FAAH2: variants seen among roughly 807,000 people sequenced by gnomAD.
The protein encoded by FAAH2 is fatty-acid amide hydrolase 2.
Under a neutral mutation model 36.9 loss-of-function variants are expected in FAAH2, and 60 were observed. The ratio of observed to expected loss-of-function variants is 1.63; its 90% CI spans 1.32 to 2.02. The LOEUF (loss-of-function observed/expected upper bound fraction) is 2.02, where lower values mean the gene tolerates loss of function less well. Ranked by LOEUF, FAAH2 falls within the 30% of genes most tolerant of loss-of-function variation. FAAH2 has a pLI of 0.00. For missense variants in FAAH2, 689 were observed against 397.5 expected (o/e 1.73, Z -6.23); for synonymous variants, 214 against 143.8 (o/e 1.49, Z -3.49).
At chrX:57,366,640 G>A (rs1050542179) in intron 5 of FAAH2, among the ~76,000 whole-genome samples, 1 of 112,281 alleles carries the variant, frequency 8.9e-6, no homozygotes, top group Non-Finnish European at 1.9e-5. Context: ...CACCCACAAG[G>A]GAAGGCTGTG....
rs140573052 is a variant in FAAH2, at chrX:57,329,251, A to T, written c.413-2347A>T. ...GTTTGCAGTTGTTGGTTGCATTGAC[A>T]GTATGACTGGGGGCATAGGGCTTTC... On this transcript the variant is annotated intron_variant, in intron 3 of 10. Transcript: ENST00000374900. Among the ~76,000 whole-genome samples, 532 of 111,984 alleles carry T rather than the reference A, an allele frequency of 4.8e-3. 3 individuals carry two copies. The highest frequency in any genetic ancestry group is 0.018 in the Middle Eastern group (4 of 217).
At chrX:57,127,886 T>C in the FAAH2 span, among the ~76,000 whole-genome samples, 1 of 111,928 alleles carries the variant, frequency 8.9e-6, no homozygotes, top group Non-Finnish European at 1.9e-5. Flanking sequence ...GAAGTCCTTC[T>C]CACTTTTTAA....
chrX:57,381,513 A>T, intron 7 of FAAH2: 1 of 665,300 alleles, frequency 1.5e-6, no homozygotes, highest in Non-Finnish European at 1.8e-6. Flanking sequence ...TTTAAAAGTA[A>T]TTTTTAAACT....
chrX:57,246,427 G>T, the FAAH2 span, among the ~76,000 whole-genome samples: 1 of 111,595 alleles, frequency 9.0e-6, no homozygotes, highest in South Asian at 3.8e-4. Flanking sequence ...AACCAAAAAA[G>T]AAATTTCAGG....
the FAAH2 span, among the ~76,000 whole-genome samples, chrX:57,273,143 A>G: frequency 4.5e-5 from 5 of 112,173 alleles, no homozygotes; most frequent in African/African-American, 1.6e-4. Context: ...CTTTAATCCA[A>G]CAAAGATCAA....
At chrX:57,208,430 AC>A in the FAAH2 span, among the ~76,000 whole-genome samples, 1 of 111,799 alleles carries the variant, frequency 8.9e-6, no homozygotes, top group East Asian at 2.8e-4. Context: ...CTTCTTACTC[AC>A]CACAGGTATT....
At chrX:57,236,846 G>C in the FAAH2 span, among the ~76,000 whole-genome samples, 1 of 111,223 alleles carries the variant, frequency 9.0e-6, no homozygotes, top group African/African-American at 3.3e-5. Context: ...TTGTACAGAA[G>C]CTTTTTAGTT....
chrX:57,256,878 G>A, the FAAH2 span, among the ~76,000 whole-genome samples: 1 of 111,973 alleles, frequency 8.9e-6, no homozygotes, highest in Admixed American at 9.5e-5. Flanking sequence ...CCAAAAATTT[G>A]CAAAAATATG....
intron 10 of FAAH2, among the ~76,000 whole-genome samples, chrX:57,471,560 G>T (rs2057166679): frequency 9.0e-6 from 1 of 111,642 alleles, no homozygotes; most frequent in Admixed American, 9.5e-5. Context: ...TCTTCAAGGA[G>T]AACTACAAAC....
chrX:57,273,016 C>T, the FAAH2 span, among the ~76,000 whole-genome samples: 1 of 111,832 alleles, frequency 8.9e-6, no homozygotes, highest in South Asian at 3.8e-4. Context: ...TTCAGAAGAT[C>T]TACCTCATGT....
At chrX:57,173,489 A>T in the FAAH2 span, among the ~76,000 whole-genome samples, 1 of 111,929 alleles carries the variant, frequency 8.9e-6, no homozygotes, top group Non-Finnish European at 1.9e-5. Context: ...GGAGTCTTTA[A>T]TGTCTTCTAG....
At chrX:57,288,595 C>A (rs749891473) in intron 1 of FAAH2, among the ~76,000 whole-genome samples, 29 of 109,502 alleles carry the variant, frequency 2.6e-4, no homozygotes, top group Non-Finnish European at 4.7e-4. Context: ...CGTGATCCAC[C>A]CACCTCGGCC....
intron 10 of FAAH2, among the ~76,000 whole-genome samples, chrX:57,466,149 TC>T (rs2057043885): frequency 8.4e-5 from 7 of 83,367 alleles, no homozygotes; most frequent in Non-Finnish European, 1.3e-4. Flanking sequence ...TCTCTCTCTC[TC>T]TCTCTCTATA....
the FAAH2 span, among the ~76,000 whole-genome samples, chrX:57,176,729 T>G: frequency 8.9e-6 from 1 of 112,063 alleles, no homozygotes. Flanking sequence ...TTTGCATTTA[T>G]TTTTTATTCC....
the FAAH2 span, among the ~76,000 whole-genome samples, chrX:57,182,005 G>T: frequency 8.9e-6 from 1 of 111,924 alleles, no homozygotes; most frequent in Non-Finnish European, 1.9e-5. Context: ...AATAAATGAT[G>T]CTGGGATAAC....
chrX:57,261,572 A>AAAAG, the FAAH2 span, among the ~76,000 whole-genome samples: 3 of 107,952 alleles, frequency 2.8e-5, no homozygotes, highest in African/African-American at 1.0e-4. Context: ...AAAAAAAAAA[A>AAAAG]AAAGAAAAAA....
intron 2 of FAAH2, among the ~76,000 whole-genome samples, chrX:57,302,180 A>G (rs780109180): frequency 8.9e-6 from 1 of 111,861 alleles, no homozygotes; most frequent in Admixed American, 9.5e-5. Context: ...GACTCAAAAT[A>G]CACACTTACA....
the FAAH2 span, among the ~76,000 whole-genome samples, chrX:57,149,430 T>C: frequency 3.8e-4 from 43 of 111,930 alleles, no homozygotes; most frequent in Admixed American, 2.0e-3. Context: ...TGCCACAATT[T>C]CAGAGCCTGT....
At chrX:57,194,272 AT>A in the FAAH2 span, among the ~76,000 whole-genome samples, 1 of 110,968 alleles carries the variant, frequency 9.0e-6, no homozygotes, top group African/African-American at 3.3e-5. Flanking sequence ...GTATCTAGGA[AT>A]TTGTCCATTT....
Sources: gnomAD v4.1 joint callset for allele counts (sites outside exome capture counted in the v4.1 genomes callset) on GRCh38, gnomAD v4.1.1 for gene constraint, MANE v1.5 for transcripts, NCBI Gene and HGNC (gene_info 2026-07-23, HGNC 2026-07-21) for gene names.